ASTN2: variants seen among roughly 807,000 people sequenced by gnomAD.
The protein encoded by ASTN2 is astrotactin-2.
ASTN2 carries 54 observed loss-of-function variants against 139.8 expected under a neutral mutation model. The observed-to-expected ratio is 0.39, with a 90% CI of 0.31 to 0.48. ASTN2 has a LOEUF of 0.48. Ranked by LOEUF, ASTN2 falls within the 20% of genes least tolerant of loss-of-function variation. The probability of loss-of-function intolerance (pLI) is 0.95; values close to 1 mark genes in which losing one functional copy is unlikely to be tolerated. For missense variants in ASTN2, 1,565 were observed against 1,725.1 expected (o/e 0.91, Z 1.64); for synonymous variants, 756 against 719.5 (o/e 1.05, Z -0.81).
At chr9:116,985,599 T>C (rs1375592025) in intron 7 of ASTN2, among the ~76,000 whole-genome samples, 13 of 152,146 alleles carry the variant, frequency 8.5e-5, no homozygotes, top group Admixed American at 8.5e-4. Flanking sequence ...TATATATTAT[T>C]AGTGTCTAGG....
intron 12 of ASTN2, among the ~76,000 whole-genome samples, chr9:116,817,951 T>A (rs1442262691): frequency 6.6e-6 from 1 of 152,178 alleles, no homozygotes; most frequent in Non-Finnish European, 1.5e-5. Context: ...ATCAGATCTG[T>A]CTTGACTGAG....
In ASTN2 at chr9:116,612,250, T is replaced by C. The variant is rs533846660; in HGVS notation, c.3355+6074A>G. 280 of 152,256 alleles carry C rather than the reference T, an allele frequency of 1.8e-3. 1 individual carries two copies. Among genetic ancestry groups the C allele is most frequent in the African/African-American group, 6.5e-3 (269 of 41,550 alleles). 9.4% of individuals were successfully genotyped at this position (152,256 alleles called of 1,614,324 possible). ...GTCCTTAGAGACTTACAAAGAGACTTAGACTCCCACACAATAATAATGGGA... is the reference window on the plus strand; with the variant it reads ...GTCCTTAGAGACTTACAAAGAGACTCAGACTCCCACACAATAATAATGGGA... On this transcript the variant is annotated intron_variant, in intron 19 of 22. Coordinates refer to ENST00000313400, the MANE Select transcript of ASTN2 (RefSeq NM_001365068.1).
intron 1 of ASTN2, among the ~76,000 whole-genome samples, chr9:117,341,598 A>T (rs1829062345): frequency 6.6e-6 from 1 of 152,234 alleles, no homozygotes; most frequent in Non-Finnish European, 1.5e-5. Context: ...GGATCCTTTT[A>T]TCTGGGTCTT....
intron 19 of ASTN2, among the ~76,000 whole-genome samples, chr9:116,536,934 G>T (rs1488081042): frequency 6.6e-6 from 1 of 152,170 alleles, no homozygotes; most frequent in African/African-American, 2.4e-5. Flanking sequence ...CTTTTATTAG[G>T]CTATGCCCTG....
chr9:116,924,595 G>C (rs1035299306), intron 10 of ASTN2, among the ~76,000 whole-genome samples: 1 of 152,032 alleles, frequency 6.6e-6, no homozygotes, highest in African/African-American at 2.4e-5. Flanking sequence ...TGGAACTGAG[G>C]GTTCATCCCC....
At chr9:116,523,046 C>G (rs1448579796) in intron 19 of ASTN2, among the ~76,000 whole-genome samples, 1 of 152,118 alleles carries the variant, frequency 6.6e-6, no homozygotes, top group African/African-American at 2.4e-5. Context: ...ACAAAGACCC[C>G]AAAACTAAGA....
chr9:116,668,874 G>A (rs1859025401), intron 16 of ASTN2, among the ~76,000 whole-genome samples: 1 of 152,192 alleles, frequency 6.6e-6, no homozygotes, highest in Admixed American at 6.5e-5. Flanking sequence ...GGTCAGTGAA[G>A]ACAGGGAGGT....
intron 5 of ASTN2, among the ~76,000 whole-genome samples, chr9:117,076,398 AG>A (rs974330356): frequency 6.6e-6 from 1 of 150,696 alleles, no homozygotes; most frequent in African/African-American, 2.4e-5. Flanking sequence ...GAAAGAAGGA[AG>A]GAGAAAAAGA....
At chr9:117,360,386 T>C (rs918933642) in intron 1 of ASTN2, among the ~76,000 whole-genome samples, 1 of 152,024 alleles carries the variant, frequency 6.6e-6, no homozygotes, top group African/African-American at 2.4e-5. Context: ...ACCGAGCTGG[T>C]AGTCAGAGAG....
intron 14 of ASTN2, 125 bp downstream of exon 14, chr9:116,733,274 C>G: frequency 7.4e-7 from 1 of 1,350,012 alleles, no homozygotes; most frequent in South Asian, 1.3e-5. Flanking sequence ...TTCCCATACC[C>G]TTCCTCATGA....
chr9:116,847,272 T>C (rs1832467422), intron 11 of ASTN2, among the ~76,000 whole-genome samples: 3 of 152,090 alleles, frequency 2.0e-5, no homozygotes, highest in African/African-American at 7.2e-5. Flanking sequence ...CACACCACCA[T>C]GCCCAGCTAA....
chr9:116,697,500 CCTAT>C lies in ASTN2; in HGVS notation c.2806+28267_2806+28270del, dbSNP rs759526539. ...TGCAGTGTTTTGTCTGGTTTGTTTC[CCTAT>C]CTGTCACCCTCACGTGACATATAAT... On this transcript the variant is annotated intron_variant, in intron 16 of 22. Coordinates refer to ENST00000313400, the MANE Select transcript of ASTN2 (RefSeq NM_001365068.1). 664 of 521,066 alleles carry C rather than the reference CCTAT, an allele frequency of 1.3e-3. 1 individual carries two copies. Among genetic ancestry groups the C allele is most frequent in the Non-Finnish European group, 1.9e-3 (556 of 290,570 alleles). The allele number at this position is 521,066 out of a possible 1,614,324, so 32.3% of individuals were successfully genotyped here.
At chr9:117,343,449 A>T (rs1481655393) in intron 1 of ASTN2, among the ~76,000 whole-genome samples, 1 of 152,212 alleles carries the variant, frequency 6.6e-6, no homozygotes, top group Admixed American at 6.5e-5. Flanking sequence ...CACAGAAAAC[A>T]TTTGAACTGC....
In ASTN2 at chr9:116,437,758, C is replaced by T. The variant is rs892752311; in HGVS notation, c.3782+2851G>A. Among the ~76,000 whole-genome samples, 3 of 152,194 alleles carry T rather than the reference C, an allele frequency of 2.0e-5. No individual in the cohort carries two copies. The East Asian group carries it at 5.8e-4, about 29-fold the overall frequency. ...TCATCTGGGGCTCTTCACTTCTGCC[C>T]GCCAGTCTGGCCCTCTTTTAGGTTT... On this transcript the variant is annotated intron_variant, in intron 22 of 22. Coordinates refer to ENST00000313400, the MANE Select transcript of ASTN2 (RefSeq NM_001365068.1).
chr9:116,460,153 G>A (rs115903382), intron 20 of ASTN2, among the ~76,000 whole-genome samples: 3,328 of 152,076 alleles, frequency 0.022, 131 homozygotes, highest in African/African-American at 0.076. Flanking sequence ...CAGACACAAA[G>A]GACATATATT....
chr9:116,831,937 C>A (rs1369216888), intron 11 of ASTN2, among the ~76,000 whole-genome samples: 1 of 152,070 alleles, frequency 6.6e-6, no homozygotes, highest in Non-Finnish European at 1.5e-5. Context: ...TCTTTGATTT[C>A]TTTCACGAGT....
chr9:116,671,090 T>C (rs7045577), intron 16 of ASTN2, among the ~76,000 whole-genome samples: 2,817 of 152,198 alleles, frequency 0.019, 88 homozygotes, highest in African/African-American at 0.064. Context: ...TTGACAATTA[T>C]AAAGGCCAGT....
At chr9:117,280,423 AT>A (rs1834297574) in intron 2 of ASTN2, among the ~76,000 whole-genome samples, 2 of 152,218 alleles carry the variant, frequency 1.3e-5, no homozygotes, top group African/African-American at 4.8e-5. Context: ...GAGTAAAAAA[AT>A]CTTATGTATA....
intron 10 of ASTN2, among the ~76,000 whole-genome samples, chr9:116,974,363 A>C (rs918458997): frequency 6.6e-6 from 1 of 152,150 alleles, no homozygotes; most frequent in Admixed American, 6.5e-5. Flanking sequence ...GTGCACCATA[A>C]TGGGGCAGAA....
Sources: allele counts gnomAD v4.1 joint callset (sites outside exome capture counted in the v4.1 genomes callset), GRCh38; gene constraint gnomAD v4.1.1; transcripts MANE v1.5; gene names NCBI Gene and HGNC (gene_info 2026-07-23, HGNC 2026-07-21).